Variants in TRAK1 observed in about 807,000 individuals in gnomAD.
The protein encoded by TRAK1 is trafficking kinesin protein 1, also known as trafficking kinesin-binding protein 1.
TRAK1 carries 33 observed loss-of-function variants against 92.1 expected under a neutral mutation model. That is an observed-to-expected ratio of 0.36 (90% confidence interval 0.27 to 0.48). The LOEUF (loss-of-function observed/expected upper bound fraction) is 0.48, where lower values mean the gene tolerates loss of function less well. Ranked by LOEUF, TRAK1 falls within the 20% of genes least tolerant of loss-of-function variation. TRAK1 has a pLI of 0.99. For missense variants in TRAK1, 1,123 were observed against 1,257.9 expected, an observed-to-expected ratio of 0.89 and a Z score of 1.62; for synonymous variants, 521 against 517.3, an observed-to-expected ratio of 1.01 and a Z score of -0.10.
chr3:42,186,879 C>T (rs558843280), intron 4 of TRAK1, among the ~76,000 whole-genome samples: 4 of 152,266 alleles, frequency 2.6e-5, no homozygotes, highest in African/African-American at 9.6e-5. Flanking sequence ...CCATGGAAGA[C>T]GTAATAATTC....
intron 1 of TRAK1, among the ~76,000 whole-genome samples, chr3:42,026,547 CAG>C (rs1701925918): frequency 7.2e-6 from 1 of 139,808 alleles, no homozygotes; most frequent in African/African-American, 2.7e-5. Flanking sequence ...TTTTTTGAGA[CAG>C]AGTCTCACTC....
At chr3:42,039,067 G>A (rs1702437331) in intron 1 of TRAK1, among the ~76,000 whole-genome samples, 1 of 151,942 alleles carries the variant, frequency 6.6e-6, no homozygotes, top group African/African-American at 2.4e-5. Flanking sequence ...ATTCTCATTA[G>A]CAGTCAATAG....
intron 2 of TRAK1, among the ~76,000 whole-genome samples, chr3:42,142,993 T>C (rs562011025): frequency 6.6e-6 from 1 of 152,290 alleles, no homozygotes; most frequent in South Asian, 2.1e-4. Context: ...CCCTCTTGAT[T>C]TTTCCCTGCC....
chr3:42,179,282 G>A (rs1468953341), intron 3 of TRAK1, among the ~76,000 whole-genome samples: 1 of 152,226 alleles, frequency 6.6e-6, no homozygotes, highest in African/African-American at 2.4e-5. Flanking sequence ...TCCCAGTCAT[G>A]TGGCTGTTGC....
chr3:42,179,933 A>C (rs1446049274), intron 3 of TRAK1, among the ~76,000 whole-genome samples: 1 of 151,646 alleles, frequency 6.6e-6, no homozygotes, highest in Non-Finnish European at 1.5e-5. Context: ...GTGTCTCACT[A>C]TGTTGCCCAG....
intron 1 of TRAK1, among the ~76,000 whole-genome samples, chr3:42,024,031 A>AG (rs1701829092): frequency 6.6e-6 from 1 of 152,124 alleles, no homozygotes; most frequent in Non-Finnish European, 1.5e-5. Flanking sequence ...CTGGGATTAC[A>AG]GGCGTGAGCC....
chr3:42,039,163 T>C (rs962545870), intron 1 of TRAK1, among the ~76,000 whole-genome samples: 9 of 152,208 alleles, frequency 5.9e-5, no homozygotes, highest in Non-Finnish European at 8.8e-5. Flanking sequence ...GGACATTTCA[T>C]GTAAACGGAA....
At chr3:42,192,400 A>ATTGCATTTGGTCAAAATACTAAGTATT (rs1559905936) in intron 7 of TRAK1, among the ~76,000 whole-genome samples, 1 of 131,302 alleles carries the variant, frequency 7.6e-6, no homozygotes, top group Non-Finnish European at 1.6e-5. Flanking sequence ...TACTAAGTAT[A>ATTGCATTTGGTCAAAATACTAAGTATT]TTGCATTTCG....
At chr3:42,117,026 C>G (rs745420179) in intron 1 of TRAK1, among the ~76,000 whole-genome samples, 1 of 152,104 alleles carries the variant, frequency 6.6e-6, no homozygotes, top group African/African-American at 2.4e-5. Context: ...CAGGGACTCT[C>G]ATAAAAATAC....
At chr3:42,070,420 A>G (rs1703886378) in intron 1 of TRAK1, among the ~76,000 whole-genome samples, 1 of 150,942 alleles carries the variant, frequency 6.6e-6, no homozygotes, top group African/African-American at 2.4e-5. Flanking sequence ...TTTATTACTG[A>G]ATTTTATTGT....
intron 2 of TRAK1, among the ~76,000 whole-genome samples, chr3:42,151,106 A>G (rs959547541): frequency 5.9e-5 from 9 of 152,258 alleles, no homozygotes; most frequent in Non-Finnish European, 1.0e-4. Flanking sequence ...CACTGGTTAC[A>G]GCAGGGTGCT....
intron 1 of TRAK1, among the ~76,000 whole-genome samples, chr3:42,093,493 T>G (rs1323211811): frequency 2.0e-5 from 3 of 151,980 alleles, no homozygotes; most frequent in Non-Finnish European, 4.4e-5. Flanking sequence ...AAAATGTCAT[T>G]TGTAAGTTTT....
intron 2 of TRAK1, among the ~76,000 whole-genome samples, chr3:42,163,239 C>CTGCT (rs1350680999): frequency 6.6e-6 from 1 of 152,100 alleles, no homozygotes; most frequent in African/African-American, 2.4e-5. Flanking sequence ...GGTCCCTGAC[C>CTGCT]AGCAGCATCA....
At chr3:42,167,454 TGTTCTTTCTTTTTATTGTA>T (rs546291734) in intron 2 of TRAK1, among the ~76,000 whole-genome samples, 105 of 152,300 alleles carry the variant, frequency 6.9e-4, no homozygotes, top group African/African-American at 2.3e-3. Context: ...AAAAAGAAAT[TGTTCTTTCTTTTTATTGTA>T]ATTGCTGAGA....
rs374783274 is a variant in TRAK1, at chr3:42,160,116, C to T, written c.287-16698C>T. Reference sequence around the variant, plus strand: ...TCCCACCCCGCCAAGTGCTCCACCCCACCCCGCCCCTCCTCCAGGCTCATA... The same window carrying T: ...TCCCACCCCGCCAAGTGCTCCACCCTACCCCGCCCCTCCTCCAGGCTCATA... On this transcript the variant is annotated intron_variant, in intron 2 of 15. Transcript: ENST00000327628. 1.1e-4 allele frequency: 122 copies of T among 1,094,648 alleles called. 3 individuals carry two copies. The highest frequency in any genetic ancestry group is 3.7e-4 in the East Asian group (8 of 21,844). The allele number at this position is 1,094,648 out of a possible 1,614,324, so 67.8% of individuals were successfully genotyped here.
Position 42,013,980 on chromosome 3 carries a change from C to T in TRAK1, c.-656C>T, listed in dbSNP as rs1237203461. The stretch of plus-strand genomic sequence containing the variant: ...GGAGCCCCCGCGAGTGCCCCCGTGC[C>T]GCCCGGCCGGCTGCAGCGGAGGGAA... On this transcript the variant is annotated 5_prime_UTR_variant, in exon 1 of 17. Coordinates refer to the TRAK1 transcript ENST00000487159. This position sits in a 1 kb window ranked among gnomAD's most constrained non-coding sequence, Gnocchi z 5.1. 6.6e-6 allele frequency: 1 copy of T among 150,894 alleles called. No individual in the cohort carries two copies. Among genetic ancestry groups the T allele is most frequent in the Non-Finnish European group, 1.5e-5 (1 of 67,524 alleles). 9.3% of individuals were successfully genotyped at this position (150,894 alleles called of 1,614,324 possible).
chr3:42,152,258 A>G (rs996394188), intron 2 of TRAK1, among the ~76,000 whole-genome samples: 6 of 152,344 alleles, frequency 3.9e-5, no homozygotes, highest in Middle Eastern at 3.4e-3. Context: ...GGCTTATAAT[A>G]ATAAGACATG....
At position 42,212,568 on chromosome 3, in the gene TRAK1, C is replaced by G. The variant is rs180868804; in HGVS notation, c.1963+2583C>G. 2.6e-4 allele frequency: 250 copies of G among 971,322 alleles called. 1 individual carries two copies. In the African/African-American group the frequency reaches 4.2e-3, roughly 16 times the overall value. 60.2% of individuals were successfully genotyped at this position (971,322 alleles called of 1,614,324 possible). A position where few individuals can be genotyped will look rare whatever the true frequency, so the allele number is the denominator to read the frequency against. On this transcript the variant is annotated intron_variant, in intron 14 of 15. Coordinates refer to ENST00000327628, the MANE Select transcript of TRAK1 (RefSeq NM_001042646.3). ...ATCCCATGTCTTAAAAAGGATGAAT[C>G]CATGTTATTGTATTGTAAATAATTT...
chr3:42,194,700 G>A (rs1482527076), intron 9 of TRAK1, 104 bp from the exon 10 acceptor site: 9 of 1,397,826 alleles, frequency 6.4e-6, no homozygotes, highest in Middle Eastern at 2.5e-4. Flanking sequence ...CACACGTGCT[G>A]GGGACTCTTA....
Sources: allele counts gnomAD v4.1 joint callset (sites outside exome capture counted in the v4.1 genomes callset), GRCh38; gene constraint gnomAD v4.1.1; non-coding constraint Gnocchi (gnomAD v3.1); transcripts MANE v1.5; gene names NCBI Gene and HGNC (gene_info 2026-07-23, HGNC 2026-07-21).